The following RREB1 variants were observed in gnomAD, a reference collection of about 807,000 sequenced individuals.
RREB1 encodes the protein ras responsive element binding protein 1.
A neutral mutation model predicts 117.8 loss-of-function variants in RREB1; 27 were observed. That is an observed-to-expected ratio of 0.23 (90% CI 0.17 to 0.32). The LOEUF (loss-of-function observed/expected upper bound fraction) is 0.32, where lower values mean the gene tolerates loss of function less well. Ranked by LOEUF, RREB1 falls within the 10% of genes least tolerant of loss-of-function variation. RREB1 has a pLI of 1.00. For synonymous variants in RREB1, 1,298 were observed against 1,026.7 expected (o/e 1.26, Z -5.05); for missense variants, 2,577 against 2,378.2 (o/e 1.08, Z -1.74).
intron 11 of RREB1, among the ~76,000 whole-genome samples, chr6:7,242,393 G>T (rs1056864034): frequency 1.3e-5 from 2 of 152,040 alleles, no homozygotes; most frequent in Admixed American, 6.5e-5. Flanking sequence ...ACCCCACCCC[G>T]GAAGTTATAT....
In RREB1 at chr6:7,251,211, G is replaced by C. The variant is rs889713020; in HGVS notation, c.*2243G>C. On this transcript the variant is annotated 3_prime_UTR_variant, in exon 13 of 13. Coordinates refer to ENST00000379938, the MANE Select transcript of RREB1 (RefSeq NM_001003699.4). ...TTAAAGCTTTACTTAGCCTTGATCT[G>C]TACCCTCGTAGTCAATAAGGTCTTG... 2.0e-5 allele frequency: 3 copies of C among 152,074 alleles called. No individual in the cohort carries two copies. The highest frequency in any genetic ancestry group is 2.0e-4 in the Admixed American group (3 of 15,260). The allele number at this position is 152,074 out of a possible 1,614,324, so 9.4% of individuals were successfully genotyped here.
At chr6:7,153,444 A>ACACACACAC (rs1554118520) in intron 1 of RREB1, among the ~76,000 whole-genome samples, 17 of 151,694 alleles carry the variant, frequency 1.1e-4, no homozygotes, top group Admixed American at 2.0e-4. Flanking sequence ...ACACACACAC[A>ACACACACAC]AATCCTCCAA....
At chr6:7,115,240 C>T (rs1008071327) in intron 1 of RREB1, among the ~76,000 whole-genome samples, 6 of 151,862 alleles carry the variant, frequency 4.0e-5, no homozygotes, top group African/African-American at 7.3e-5. Flanking sequence ...GGGTAGGAGG[C>T]GGTGATTATT....
intron 1 of RREB1, among the ~76,000 whole-genome samples, chr6:7,150,834 G>A (rs1038187605): frequency 6.6e-6 from 1 of 152,244 alleles, no homozygotes; most frequent in Non-Finnish European, 1.5e-5. Flanking sequence ...TTGCAATGGC[G>A]ACTGCATTTG....
chr6:7,167,033 A>T (rs1178157661), intron 1 of RREB1, among the ~76,000 whole-genome samples: 3 of 152,222 alleles, frequency 2.0e-5, no homozygotes, highest in Non-Finnish European at 4.4e-5. Context: ...TCCCATTTCT[A>T]CCATACATTG....
intron 1 of RREB1, among the ~76,000 whole-genome samples, chr6:7,110,142 A>T (rs1036399154): frequency 1.3e-5 from 2 of 152,132 alleles, no homozygotes; most frequent in Admixed American, 1.3e-4. Flanking sequence ...TGGACCCTGC[A>T]TGTGTGCGAG....
chr6:7,110,255 C>T (rs1157441533), intron 1 of RREB1, among the ~76,000 whole-genome samples: 1 of 152,160 alleles, frequency 6.6e-6, no homozygotes, highest in African/African-American at 2.4e-5. Flanking sequence ...TGAAAATCAT[C>T]CTCTAGATTT....
At chr6:7,119,165 G>A (rs1761552096) in intron 1 of RREB1, among the ~76,000 whole-genome samples, 1 of 151,960 alleles carries the variant, frequency 6.6e-6, no homozygotes, top group African/African-American at 2.4e-5. Flanking sequence ...AGCCTGGCTA[G>A]TATGGTGAAA....
intron 1 of RREB1, among the ~76,000 whole-genome samples, chr6:7,125,662 T>C (rs1432567965): frequency 1.3e-5 from 2 of 152,200 alleles, no homozygotes; most frequent in Non-Finnish European, 2.9e-5. Context: ...TTACATAATA[T>C]GGAAACTCAA....
At chr6:7,195,013 G>C (rs1260996249) in intron 6 of RREB1, among the ~76,000 whole-genome samples, 1 of 152,188 alleles carries the variant, frequency 6.6e-6, no homozygotes, top group Non-Finnish European at 1.5e-5. Flanking sequence ...CAAAGCACTT[G>C]GGGTAGTGCT....
chr6:7,187,495 A>T lies in RREB1; in HGVS notation c.233A>T (p.Gln78Leu). 1 of 1,570,674 alleles carries T rather than the reference A, an allele frequency of 6.4e-7. No individual in the cohort carries two copies. The highest frequency in any genetic ancestry group is 1.2e-5 in the South Asian group (1 of 83,156). The change falls in exon 5 of 13, where the codon CAG becomes CTG. Residue 78 changes from glutamine (Q) to leucine (L), a missense_variant. Physicochemically the swap from Gln to Leu is moderately radical, Grantham distance 113. Transcript: ENST00000379938. ...CPLCEKICTT[Q>L]HQLTMHIRQH... ...CTGTGTGAGAAGATTTGCACTACCC[A>T]GCACCAGCTGACCATGCACATTCGC...
chr6:7,177,218 C>CAAAAA (rs552706086), intron 2 of RREB1, among the ~76,000 whole-genome samples: 4 of 34,920 alleles, frequency 1.1e-4, no homozygotes, highest in African/African-American at 3.4e-4. Context: ...GACTGTCTCA[C>CAAAAA]AAAAAAAAAA....
At position 7,229,983 on chromosome 6, in the gene RREB1, A is replaced by G; in HGVS notation, c.1884A>G (p.Thr628=). 1 of 1,607,178 alleles carries G rather than the reference A, an allele frequency of 6.2e-7. No individual in the cohort carries two copies. The highest frequency in any genetic ancestry group is 8.5e-7 in the Non-Finnish European group (1 of 1,175,468). ...AGGGGGAACTCAAGGCCTTCATGAC[A>G]GCGCCCGGCGGCAAGAAGACGCCCG... ...ITEGELKAFM[T]APGGKKTPAM... The change falls in exon 10 of 13, where the codon ACA becomes ACG. Residue 628 remains threonine (T), a synonymous_variant. Transcript: ENST00000379938. The surrounding 1 kb of genome is among the most constrained non-coding windows in gnomAD (Gnocchi z 4.5).
intron 6 of RREB1, among the ~76,000 whole-genome samples, chr6:7,190,837 G>T (rs1765365488): frequency 6.6e-6 from 1 of 152,148 alleles, no homozygotes. Context: ...GGTCCTAGAG[G>T]TATTGCCTGT....
intron 1 of RREB1, among the ~76,000 whole-genome samples, chr6:7,158,117 T>C (rs1261828819): frequency 6.6e-6 from 1 of 152,078 alleles, no homozygotes; most frequent in Non-Finnish European, 1.5e-5. Context: ...TTCTTCACAT[T>C]CAAGAATCTC....
chr6:7,115,856 A>G (rs773594915), intron 1 of RREB1, among the ~76,000 whole-genome samples: 2 of 152,016 alleles, frequency 1.3e-5, no homozygotes, highest in Non-Finnish European at 2.9e-5. Flanking sequence ...ATCACCATCC[A>G]CCCAGCCTTC....
intron 6 of RREB1, among the ~76,000 whole-genome samples, chr6:7,191,267 A>G (rs911792488): frequency 6.6e-6 from 1 of 151,842 alleles, no homozygotes; most frequent in African/African-American, 2.4e-5. Flanking sequence ...ATCATACATT[A>G]TACCGTGTAA....
rs748426749 is a variant in RREB1 at position 7,246,424 on chromosome 6, A to T, written c.3974A>T (p.Asp1325Val). 1.4e-4 allele frequency: 206 copies of T among 1,476,984 alleles called. No individual in the cohort carries two copies. Among genetic ancestry groups the T allele is most frequent in the African/African-American group, 3.8e-4 (27 of 71,534 alleles). 91.5% of individuals were successfully genotyped at this position (1,476,984 alleles called of 1,614,324 possible). A position where few individuals can be genotyped will look rare whatever the true frequency, so the allele number is the denominator to read the frequency against. Reference protein sequence around the residue: ...ESDVGSHDSTDSQSDAETAAA... With the variant: ...ESDVGSHDSTVSQSDAETAAA... ...CCTCCCCGCTGTGCTTGCCCCACAG[A>T]CAGTCAGTCGGATGCGGAGACTGCA... Residue 1325 changes from aspartate (D) to valine (V), a missense_variant and splice_region_variant, in exon 12 of 13, where the codon GAC (aspartate) becomes GTC (valine). Transcript: ENST00000379938.
chr6:7,228,090 AT>A (rs924643918), intron 9 of RREB1, among the ~76,000 whole-genome samples: 6 of 152,072 alleles, frequency 3.9e-5, no homozygotes, highest in African/African-American at 1.4e-4. Flanking sequence ...CCTTGAAATT[AT>A]TTTTTTCCCC....
Sources: allele counts gnomAD v4.1 joint callset (sites outside exome capture counted in the v4.1 genomes callset), GRCh38; gene constraint gnomAD v4.1.1; non-coding constraint Gnocchi (gnomAD v3.1); transcripts MANE v1.5; gene names NCBI Gene and HGNC (gene_info 2026-07-23, HGNC 2026-07-21).